Variants in SNTG2 observed in about 807,000 individuals in gnomAD.
SNTG2 encodes syntrophin gamma 2.
Under a neutral mutation model 70.9 loss-of-function variants are expected in SNTG2, and 74 were observed. The observed-to-expected ratio is 1.04, with a 90% confidence interval of 0.86 to 1.27. The LOEUF (loss-of-function observed/expected upper bound fraction) is 1.27, where lower values mean the gene tolerates loss of function less well. Among genes scored for constraint, SNTG2 ranks in the 50% most tolerant of loss-of-function variants. SNTG2 has a pLI of 0.00. For missense variants in SNTG2, 717 were observed against 690.7 expected (o/e 1.04, Z -0.43); for synonymous variants, 278 against 273.8 (o/e 1.02, Z -0.15).
intron 9 of SNTG2, among the ~76,000 whole-genome samples, chr2:1,221,931 C>G (rs868989108): frequency 1.0e-4 from 2 of 19,972 alleles, no homozygotes; most frequent in Non-Finnish European, 2.2e-4. Flanking sequence ...CTCTGTCTCT[C>G]TCTGTCTCTG....
chr2:1,080,887 A>G (rs1283097301), intron 1 of SNTG2, among the ~76,000 whole-genome samples: 1 of 152,152 alleles, frequency 6.6e-6, no homozygotes, highest in East Asian at 1.9e-4. Context: ...TAGGTCAACA[A>G]TTAAGGACAT....
chr2:1,100,490 A>G lies in SNTG2; in HGVS notation c.325+2080A>G, dbSNP rs1249894817. Among the ~76,000 whole-genome samples, 3 of 152,332 alleles carry G rather than the reference A, an allele frequency of 2.0e-5. No homozygotes were observed. The East Asian group carries it at 5.8e-4, about 29-fold the overall frequency. ...CATTTCAAAAGAAACATTATGATTC[A>G]TTTGAACTACAGTATTTTGTTGCAT... On this transcript the variant is annotated intron_variant, in intron 4 of 16. Transcript: ENST00000308624.
intron 16 of SNTG2, among the ~76,000 whole-genome samples, chr2:1,362,791 T>C (rs1450393957): frequency 2.0e-5 from 3 of 151,836 alleles, no homozygotes; most frequent in South Asian, 4.2e-4. Context: ...AGCATTTCAA[T>C]AGAACTTCCG....
At chr2:981,475 A>G (rs993745053) in intron 1 of SNTG2, among the ~76,000 whole-genome samples, 2 of 150,538 alleles carry the variant, frequency 1.3e-5, no homozygotes, top group African/African-American at 5.0e-5. Context: ...ACATGCTCAC[A>G]CATGCACATG....
chr2:1,080,375 G>C (rs1397453117), intron 1 of SNTG2, among the ~76,000 whole-genome samples: 2 of 152,150 alleles, frequency 1.3e-5, no homozygotes, highest in Admixed American at 6.5e-5. Flanking sequence ...TGAGTTTTGG[G>C]TTCCAACTTT....
intron 16 of SNTG2, among the ~76,000 whole-genome samples, chr2:1,318,320 A>G (rs1008175067): frequency 6.6e-6 from 1 of 152,276 alleles, no homozygotes; most frequent in Non-Finnish European, 1.5e-5. Context: ...TCTGAGCAAC[A>G]TGTCACACAT....
rs1028643619 is a variant in SNTG2, at chr2:1,214,864, G to A, written c.719+5634G>A. Reference sequence around the variant, plus strand: ...TTCATCATTAAGTATGATATTAGACGTGGGCTTGTCACACGTGTTCTTTAT... The same window carrying A: ...TTCATCATTAAGTATGATATTAGACATGGGCTTGTCACACGTGTTCTTTAT... On this transcript the variant is annotated intron_variant, in intron 9 of 16. Coordinates refer to ENST00000308624, the MANE Select transcript of SNTG2 (RefSeq NM_018968.4). Among the ~76,000 whole-genome samples the A allele has an allele frequency of 2.4e-4, 37 of 152,266 alleles. 1 individual carries two copies. The highest frequency in any genetic ancestry group is 1.6e-3 in the Admixed American group (25 of 15,290).
At chr2:1,180,660 C>T (rs10185484) in intron 8 of SNTG2, among the ~76,000 whole-genome samples, 28,633 of 147,592 alleles carry the variant, frequency 0.19, 2,931 homozygotes, top group African/African-American at 0.25. Context: ...GTCAGTGTGG[C>T]GATTCCTCAG....
At chr2:1,194,879 T>A (rs1672810949) in intron 8 of SNTG2, among the ~76,000 whole-genome samples, 1 of 152,084 alleles carries the variant, frequency 6.6e-6, no homozygotes, top group African/African-American at 2.4e-5. Flanking sequence ...CCTCCCCTAG[T>A]CCCCCACTCC....
chr2:1,339,601 G>A (rs749412491), intron 16 of SNTG2, among the ~76,000 whole-genome samples: 2 of 152,186 alleles, frequency 1.3e-5, no homozygotes, highest in African/African-American at 4.8e-5. Context: ...CCCTCAAATT[G>A]AGTGGAAGCC....
At chr2:1,129,008 G>A (rs549673816) in intron 4 of SNTG2, among the ~76,000 whole-genome samples, 37 of 152,284 alleles carry the variant, frequency 2.4e-4, no homozygotes, top group African/African-American at 8.9e-4. Flanking sequence ...CTAGGAATAA[G>A]TGTCTAGCCT....
intron 16 of SNTG2, among the ~76,000 whole-genome samples, chr2:1,339,434 A>G (rs1021461899): frequency 6.6e-6 from 1 of 152,360 alleles, no homozygotes; most frequent in Admixed American, 6.5e-5. Flanking sequence ...CTAATGCATG[A>G]TACAAAACAA....
chr2:1,246,426 C>G (rs572494155), intron 11 of SNTG2, among the ~76,000 whole-genome samples: 1 of 152,294 alleles, frequency 6.6e-6, no homozygotes, highest in South Asian at 2.1e-4. Flanking sequence ...ACGGGACTTA[C>G]CTGGGCGGCT....
chr2:1,202,442 A>C (rs1349816197), intron 8 of SNTG2, among the ~76,000 whole-genome samples: 2 of 151,066 alleles, frequency 1.3e-5, no homozygotes, highest in Non-Finnish European at 2.9e-5. Context: ...CCTACAGTCA[A>C]TGAGGAGATA....
intron 4 of SNTG2, among the ~76,000 whole-genome samples, chr2:1,114,665 A>AC (rs1455231613): frequency 2.6e-5 from 4 of 151,770 alleles, no homozygotes; most frequent in African/African-American, 9.7e-5. Flanking sequence ...GTGAGGTTTA[A>AC]CCCTTACAGT....
chr2:1,049,683 G>A (rs952249805), intron 1 of SNTG2, among the ~76,000 whole-genome samples: 3 of 152,156 alleles, frequency 2.0e-5, no homozygotes, highest in African/African-American at 7.2e-5. Context: ...TGGATGATAT[G>A]GTGAAACTAT....
intron 1 of SNTG2, among the ~76,000 whole-genome samples, chr2:1,081,687 G>A (rs1281599123): frequency 2.0e-5 from 3 of 152,204 alleles, no homozygotes; most frequent in Non-Finnish European, 2.9e-5. Context: ...CAGACGTCCC[G>A]TGAGCTCCCA....
intron 4 of SNTG2, among the ~76,000 whole-genome samples, chr2:1,125,471 T>C (rs1667641015): frequency 6.6e-6 from 1 of 152,206 alleles, no homozygotes; most frequent in Non-Finnish European, 1.5e-5. Flanking sequence ...ATATTTTTAT[T>C]TGTATCCTTA....
chr2:962,619 C>T (rs1660388129), intron 1 of SNTG2, among the ~76,000 whole-genome samples: 1 of 152,120 alleles, frequency 6.6e-6, no homozygotes, highest in Non-Finnish European at 1.5e-5. Context: ...CTTGATTATG[C>T]CTGTCTTTGA....
Sources: gnomAD v4.1 joint callset for allele counts (sites outside exome capture counted in the v4.1 genomes callset) on GRCh38, gnomAD v4.1.1 for gene constraint, MANE v1.5 for transcripts, NCBI Gene and HGNC (gene_info 2026-07-23, HGNC 2026-07-21) for gene names.